ADAMTS2: variants seen among roughly 807,000 people sequenced by gnomAD.
ADAMTS2 encodes A disintegrin and metalloproteinase with thrombospondin motifs 2.
ADAMTS2 carries 50 observed loss-of-function variants against 123.0 expected under a neutral mutation model. The ratio of observed to expected loss-of-function variants is 0.41; its 90% CI spans 0.32 to 0.51. The LOEUF is 0.51. ADAMTS2 is among the 20% of genes least tolerant of loss of function. The pLI, the probability that ADAMTS2 is intolerant of heterozygous loss-of-function variation, is 0.35. For synonymous variants in ADAMTS2, 678 were observed against 695.4 expected, an observed-to-expected ratio of 0.98 and a Z score of 0.39; for missense variants, 1,494 against 1,705.2, an observed-to-expected ratio of 0.88 and a Z score of 2.18.
intron 4 of ADAMTS2, among the ~76,000 whole-genome samples, chr5:179,194,543 T>C (rs1450339775): frequency 6.6e-6 from 1 of 151,900 alleles, no homozygotes; most frequent in Non-Finnish European, 1.5e-5. Context: ...CCAAATGCTG[T>C]GGGGAGGTCA....
At chr5:179,318,640 G>GTCCC (rs1051129924) in intron 2 of ADAMTS2, among the ~76,000 whole-genome samples, 25 of 152,318 alleles carry the variant, frequency 1.6e-4, no homozygotes, top group Middle Eastern at 3.4e-3. Context: ...GCTGGCATTT[G>GTCCC]TCCCCATGAG....
chr5:179,284,457 G>A (rs1755950042), intron 2 of ADAMTS2, among the ~76,000 whole-genome samples: 1 of 151,912 alleles, frequency 6.6e-6, no homozygotes, highest in Admixed American at 6.6e-5. Flanking sequence ...CCTGAGCTCA[G>A]TTCACTGAGA....
chr5:179,304,226 A>G (rs138097920), intron 2 of ADAMTS2, among the ~76,000 whole-genome samples: 32 of 152,346 alleles, frequency 2.1e-4, no homozygotes, highest in Non-Finnish European at 2.9e-4. Flanking sequence ...AACAAAAATA[A>G]TGACCTTCTC....
rs556447023 is a variant in ADAMTS2 at position 179,117,614 on chromosome 5, G to A, written c.3179-3290C>T. The stretch of plus-strand genomic sequence containing the variant: ...GTCGCCCAGGCTGGAGTGCAGTGGC[G>A]TGATCTTGGCTCACTGCAACCTCCG... On this transcript the variant is annotated intron_variant, in intron 21 of 21. Coordinates refer to ENST00000251582, the MANE Select transcript of ADAMTS2 (RefSeq NM_014244.5). The surrounding 1 kb of genome is among the most constrained non-coding windows in gnomAD (Gnocchi z 4.2). Among the ~76,000 whole-genome samples the A allele has an allele frequency of 2.0e-5, 3 of 151,190 alleles. No individual in the cohort carries two copies. The highest frequency in any genetic ancestry group is 6.6e-5 in the Admixed American group (1 of 15,192).
intron 4 of ADAMTS2, among the ~76,000 whole-genome samples, chr5:179,199,501 A>G (rs746806425): frequency 6.6e-6 from 1 of 152,178 alleles, no homozygotes; most frequent in Non-Finnish European, 1.5e-5. Context: ...GGGCTGGAGC[A>G]GTGCACCAGT....
At chr5:179,268,496 G>A (rs1766432746) in intron 3 of ADAMTS2, among the ~76,000 whole-genome samples, 1 of 152,214 alleles carries the variant, frequency 6.6e-6, no homozygotes, top group Admixed American at 6.5e-5. Flanking sequence ...CGTGACTCGG[G>A]GTCTTTCTCA....
intron 13 of ADAMTS2, among the ~76,000 whole-genome samples, chr5:179,133,688 C>T (rs1763003337): frequency 5.9e-5 from 9 of 151,996 alleles, no homozygotes; most frequent in Admixed American, 5.9e-4. Context: ...CCTGCTATTA[C>T]CTGTCAAAAT....
intron 3 of ADAMTS2, among the ~76,000 whole-genome samples, chr5:179,222,996 A>G (rs1036850483): frequency 6.6e-6 from 1 of 152,164 alleles, no homozygotes; most frequent in African/African-American, 2.4e-5. Context: ...TGTTTGCAAC[A>G]GTTCCTACCT....
At chr5:179,293,386 T>C (rs919416507) in intron 2 of ADAMTS2, among the ~76,000 whole-genome samples, 1 of 152,206 alleles carries the variant, frequency 6.6e-6, no homozygotes, top group Non-Finnish European at 1.5e-5. Flanking sequence ...GACATCTCAA[T>C]GTGAAGAGTA....
At chr5:179,286,581 G>A (rs757678886) in intron 2 of ADAMTS2, among the ~76,000 whole-genome samples, 16 of 152,216 alleles carry the variant, frequency 1.1e-4, no homozygotes, top group South Asian at 4.2e-4. Flanking sequence ...AGGGCCTGGG[G>A]ACCCAGGACC....
intron 4 of ADAMTS2, among the ~76,000 whole-genome samples, chr5:179,199,839 C>G (rs1308317943): frequency 6.6e-6 from 1 of 152,164 alleles, no homozygotes; most frequent in Admixed American, 6.5e-5. Flanking sequence ...GCTAAATGCT[C>G]TAATATTTGC....
chr5:179,323,639 A>G (rs1278717337), intron 2 of ADAMTS2, among the ~76,000 whole-genome samples: 1 of 152,230 alleles, frequency 6.6e-6, no homozygotes, highest in Non-Finnish European at 1.5e-5. Flanking sequence ...TCAACTCTGG[A>G]GAGAGGCAGC....
At position 179,315,879 on chromosome 5, in the gene ADAMTS2, G is replaced by T. The variant is rs1756976307; in HGVS notation, c.534+27888C>A. 4.6e-5 allele frequency among the ~76,000 whole-genome samples: 7 copies of T among 152,328 alleles called. No homozygotes were observed. The South Asian group carries it at 1.5e-3, about 32-fold the overall frequency. ...CTAAGAAAGGAGCAAGAGACAGAGG[G>T]CAGGGAGAAAAGCTGCGAGACGTGG... On this transcript the variant is annotated intron_variant, in intron 2 of 21. Coordinates refer to ENST00000251582, the MANE Select transcript of ADAMTS2 (RefSeq NM_014244.5).
At chr5:179,186,333 C>A (rs937266021) in intron 4 of ADAMTS2, among the ~76,000 whole-genome samples, 1 of 152,202 alleles carries the variant, frequency 6.6e-6, no homozygotes, top group Admixed American at 6.5e-5. Flanking sequence ...CGGGGCCGGG[C>A]TCCTTCTGCT....
chr5:179,201,385 A>G (rs1764560380), intron 4 of ADAMTS2, among the ~76,000 whole-genome samples: 1 of 152,232 alleles, frequency 6.6e-6, no homozygotes, highest in Admixed American at 6.5e-5. Flanking sequence ...AAAGTGTGTG[A>G]CAGTCATATG....
rs528228272 is a variant in ADAMTS2, at chr5:179,130,354, C to T, written c.2291-256G>A. 1.3e-5 allele frequency among the ~76,000 whole-genome samples: 2 copies of T among 152,316 alleles called. No individual in the cohort carries two copies. Among genetic ancestry groups the T allele is most frequent in the Non-Finnish European group, 2.9e-5 (2 of 68,020 alleles). On this transcript the variant is annotated intron_variant, in intron 15 of 21. Transcript: ENST00000251582. This position sits in a 1 kb window ranked among gnomAD's most constrained non-coding sequence, Gnocchi z 4.3. The stretch of plus-strand genomic sequence containing the variant: ...ACCAGCCCTGGAGGTGCCGGCTCCC[C>T]TTGGAAGCCACTCAGTAGCCGTCAA...
chr5:179,130,469 C>T lies in ADAMTS2; in HGVS notation c.2291-371G>A, dbSNP rs1049248186. Among the ~76,000 whole-genome samples, 2 of 152,234 alleles carry T rather than the reference C, an allele frequency of 1.3e-5. No individual in the cohort carries two copies. The highest frequency in any genetic ancestry group is 2.9e-5 in the Non-Finnish European group (2 of 68,044). ...GGCTGGGAGGGGTCTGTACGCGGTG[C>T]AGGGCATCTGCTGGACAGGCGAGCA... On this transcript the variant is annotated intron_variant, in intron 15 of 21. Transcript: ENST00000251582. This position sits in a 1 kb window ranked among gnomAD's most constrained non-coding sequence, Gnocchi z 4.3.
In ADAMTS2 at chr5:179,130,754, G is replaced by T. The variant is rs1027106130; in HGVS notation, c.2291-656C>A. Among the ~76,000 whole-genome samples, 1 of 152,180 alleles carries T rather than the reference G, an allele frequency of 6.6e-6. No individual in the cohort carries two copies. The highest frequency in any genetic ancestry group is 2.4e-5 in the African/African-American group (1 of 41,424). ...GCTGGGTGATGTGAGTGGGGCCGCA[G>T]ACAGGGCACTAGTGAGAAAATCATT... On this transcript the variant is annotated intron_variant, in intron 15 of 21. Coordinates refer to ENST00000251582, the MANE Select transcript of ADAMTS2 (RefSeq NM_014244.5). The surrounding 1 kb of genome is among the most constrained non-coding windows in gnomAD (Gnocchi z 4.3).
intron 4 of ADAMTS2, among the ~76,000 whole-genome samples, chr5:179,182,025 T>C (rs1416534874): frequency 1.3e-5 from 2 of 152,022 alleles, no homozygotes; most frequent in African/African-American, 4.8e-5. Flanking sequence ...CGCAGCCCCC[T>C]TCCTGTCACC....
Sources: gnomAD v4.1 joint callset for allele counts (sites outside exome capture counted in the v4.1 genomes callset) on GRCh38, gnomAD v4.1.1 for gene constraint, Gnocchi (gnomAD v3.1) non-coding constraint, MANE v1.5 for transcripts, NCBI Gene and HGNC (gene_info 2026-07-23, HGNC 2026-07-21) for gene names.